CLTA: variants seen among roughly 807,000 people sequenced by gnomAD.
The protein encoded by CLTA is clathrin light chain A, also known as clathrin, light polypeptide (Lca).
In CLTA, 9 loss-of-function variants were observed where a neutral mutation model predicts 26.9. The ratio of observed to expected loss-of-function variants is 0.33; its 90% confidence interval spans 0.20 to 0.58. CLTA has a LOEUF of 0.58. Ranked by LOEUF, CLTA falls within the 20% of genes least tolerant of loss-of-function variation. The pLI, the probability that CLTA is intolerant of heterozygous loss-of-function variation, is 0.85. For synonymous variants in CLTA, 120 were observed against 115.5 expected, an observed-to-expected ratio of 1.04 and a Z score of -0.25; for missense variants, 278 against 294.2, an observed-to-expected ratio of 0.94 and a Z score of 0.40.
upstream of CLTA, chr9:36,190,910 G>T (rs879360698): frequency 1.9e-5 from 26 of 1,359,050 alleles, no homozygotes; most frequent in Non-Finnish European, 2.5e-5. Context: ...CCGGATACAC[G>T]GGTAGGGCTT....
Position 36,204,192 on chromosome 9 carries a change from T to G in CLTA, c.485+13T>G. Reference sequence around the variant, plus strand: ...AAGCAAACAACAGGTCAGTCCGTGGTGGTTGTAGCACACTTTGTTTTCCAA... The same window carrying G: ...AAGCAAACAACAGGTCAGTCCGTGGGGGTTGTAGCACACTTTGTTTTCCAA... On this transcript the variant is annotated intron_variant, in intron 4 of 4. Transcript: ENST00000345519. The G allele has an allele frequency of 6.2e-7, 1 of 1,608,824 alleles. No homozygotes were observed. Among genetic ancestry groups the G allele is most frequent in the Non-Finnish European group, 8.5e-7 (1 of 1,177,458 alleles).
At chr9:36,192,537 A>G (rs1387320597) in intron 1 of CLTA, among the ~76,000 whole-genome samples, 2 of 152,196 alleles carry the variant, frequency 1.3e-5, no homozygotes, top group East Asian at 1.9e-4. Context: ...ATGCAACTTT[A>G]TAGCGGGTAG....
intron 4 of CLTA, among the ~76,000 whole-genome samples, chr9:36,210,845 A>G (rs907068190): frequency 3.9e-5 from 6 of 152,136 alleles, no homozygotes; most frequent in African/African-American, 1.4e-4. Context: ...GTAGATGAAT[A>G]TAGTGTGTCT....
chr9:36,197,622 G>A, intron 2 of CLTA, 34 bp downstream of exon 2: 1 of 1,505,200 alleles, frequency 6.6e-7, no homozygotes, highest in Non-Finnish European at 9.2e-7. Context: ...CATTGATAGT[G>A]ATTGAGAATC....
intron 4 of CLTA, chr9:36,209,213 G>T: frequency 1.2e-6 from 2 of 1,610,676 alleles, no homozygotes; most frequent in Non-Finnish European, 1.7e-6. Context: ...GCTTCTCAAT[G>T]TTCTCTCTTT....
chr9:36,190,941 C>G lies in CLTA; in HGVS notation c.-116C>G. ...GGCTTCCGCTTTACCCGTCTCCCTC[C>G]TGGCGCTTGTCCTCCTCTCCCAGTC... On this transcript the variant is annotated 5_prime_UTR_variant, in exon 1 of 5. Transcript: ENST00000345519. 7.0e-7 allele frequency: 1 copy of G among 1,424,132 alleles called. No homozygotes were observed. Among genetic ancestry groups the G allele is most frequent in the Non-Finnish European group, 9.1e-7 (1 of 1,096,394 alleles). 88.2% of individuals were successfully genotyped at this position (1,424,132 alleles called of 1,614,324 possible).
At chr9:36,194,559 G>A (rs1324643918) in intron 1 of CLTA, among the ~76,000 whole-genome samples, 1 of 152,234 alleles carries the variant, frequency 6.6e-6, no homozygotes. Context: ...CGGTGTGGAA[G>A]TTGAGCAGTG....
At chr9:36,210,602 C>A in intron 4 of CLTA, 3 of 1,614,090 alleles carry the variant, frequency 1.9e-6, no homozygotes, top group East Asian at 2.2e-5. Flanking sequence ...TCTCTCGTTT[C>A]TTTTCTTCTC....
chr9:36,197,690 T>A, intron 2 of CLTA, 102 bp downstream of exon 2: 1 of 820,398 alleles, frequency 1.2e-6, no homozygotes, highest in South Asian at 1.7e-5. Flanking sequence ...CCTTTGACTT[T>A]CCTGAATGTA....
chr9:36,193,317 C>CTT (rs5897629), intron 1 of CLTA, among the ~76,000 whole-genome samples: 1,381 of 137,538 alleles, frequency 0.01, 24 homozygotes, highest in African/African-American at 0.034. Flanking sequence ...CTTTTTCCTT[C>CTT]TTTTTTTTTT....
At chr9:36,193,292 TTC>T (rs1029130026) in intron 1 of CLTA, among the ~76,000 whole-genome samples, 1 of 152,004 alleles carries the variant, frequency 6.6e-6, no homozygotes, top group Non-Finnish European at 1.5e-5. Flanking sequence ...TGGACACTTT[TTC>T]TCTCTTAGTT....
At chr9:36,205,230 G>A (rs1417031517) in intron 4 of CLTA, among the ~76,000 whole-genome samples, 3 of 152,230 alleles carry the variant, frequency 2.0e-5, no homozygotes, top group Admixed American at 6.5e-5. Flanking sequence ...CTCTGGGGGC[G>A]GTGTGCTCAA....
chr9:36,191,918 C>T (rs1320613017), intron 1 of CLTA, among the ~76,000 whole-genome samples: 1 of 152,120 alleles, frequency 6.6e-6, no homozygotes, highest in East Asian at 1.9e-4. Context: ...CTGGGAACAG[C>T]TTTGGTAGGC....
intron 1 of CLTA, among the ~76,000 whole-genome samples, chr9:36,193,954 C>A (rs1031532414): frequency 4.6e-5 from 7 of 152,134 alleles, no homozygotes; most frequent in Non-Finnish European, 8.8e-5. Context: ...GAAAAGCTCT[C>A]AATCATGAGG....
At position 36,198,753 on chromosome 9, in the gene CLTA, A is replaced by ATCTCAGC. The variant is rs928239680; in HGVS notation, c.256-224_256-218dup. 4.0e-5 allele frequency among the ~76,000 whole-genome samples: 6 copies of ATCTCAGC among 150,830 alleles called. No homozygotes were observed. The East Asian group carries it at 7.8e-4, about 20-fold the overall frequency. ...CATAGGCCAGGCGCAGGCACCTGTAATCTCAGCTACTCGGGAGGCTGAGGC... is the reference window on the plus strand; with the variant it reads ...CATAGGCCAGGCGCAGGCACCTGTAATCTCAGCTCTCAGCTACTCGGGAGGCTGAGGC... On this transcript the variant is annotated intron_variant, in intron 2 of 4. Coordinates refer to ENST00000345519, the MANE Select transcript of CLTA (RefSeq NM_001833.4).
intron 4 of CLTA, chr9:36,210,602 C>T: frequency 1.2e-6 from 2 of 1,614,090 alleles, no homozygotes; most frequent in Non-Finnish European, 1.7e-6. Flanking sequence ...TCTCTCGTTT[C>T]TTTTCTTCTC....
At chr9:36,210,720 G>C in intron 4 of CLTA, 1 of 1,603,396 alleles carries the variant, frequency 6.2e-7, no homozygotes, top group South Asian at 1.1e-5. Context: ...CAGTGTTGTA[G>C]TGGCTCTGGG....
At chr9:36,197,914 A>G (rs1473760411) in intron 2 of CLTA, among the ~76,000 whole-genome samples, 2 of 151,530 alleles carry the variant, frequency 1.3e-5, no homozygotes, top group African/African-American at 2.4e-5. Flanking sequence ...TAGTCTGATT[A>G]GGTTAACCTG....
intron 1 of CLTA, 137 bp from the exon 2 acceptor site, chr9:36,197,414 T>G: frequency 1.8e-6 from 1 of 540,960 alleles, no homozygotes; most frequent in Non-Finnish European, 3.3e-6. Context: ...TTATTTGTTG[T>G]ATATAGCACC....
Sources: allele counts gnomAD v4.1 joint callset (sites outside exome capture counted in the v4.1 genomes callset), GRCh38; gene constraint gnomAD v4.1.1; transcripts MANE v1.5; gene names NCBI Gene and HGNC (gene_info 2026-07-23, HGNC 2026-07-21).